UBR1: variants seen among roughly 807,000 people sequenced by gnomAD.
The protein encoded by UBR1 is E3 ubiquitin-protein ligase UBR1.
UBR1 carries 102 observed loss-of-function variants against 242.1 expected under a neutral mutation model. The ratio of observed to expected loss-of-function variants is 0.42; its 90% CI spans 0.36 to 0.50. The LOEUF (loss-of-function observed/expected upper bound fraction) is 0.50. Among genes scored for constraint, UBR1 ranks in the 20% least tolerant of loss-of-function variants. The pLI, the probability that UBR1 is intolerant of heterozygous loss-of-function variation, is 0.01. For missense variants in UBR1, 1,772 were observed against 2,101.8 expected (o/e 0.84, Z 3.07); for synonymous variants, 675 against 684.8 (o/e 0.99, Z 0.22).
chr15:43,007,485 T>C (rs1596097877), intron 29 of UBR1, among the ~76,000 whole-genome samples: 3 of 152,110 alleles, frequency 2.0e-5, no homozygotes, highest in Non-Finnish European at 2.9e-5. Flanking sequence ...AATACAAGTG[T>C]TGCTAAGTGC....
chr15:42,954,547 AAG>A (rs1353127615), intron 44 of UBR1, among the ~76,000 whole-genome samples: 1 of 152,086 alleles, frequency 6.6e-6, no homozygotes, highest in African/African-American at 2.4e-5. Context: ...GAGCGAGTCA[AAG>A]AGGGGCTCTT....
chr15:42,961,767 G>C (rs1430863295), intron 42 of UBR1, among the ~76,000 whole-genome samples: 1 of 148,630 alleles, frequency 6.7e-6, no homozygotes, highest in Non-Finnish European at 1.5e-5. Flanking sequence ...CTTTTTTTTT[G>C]TTTTTGAGAT....
intron 6 of UBR1, among the ~76,000 whole-genome samples, chr15:43,061,326 C>T (rs934214520): frequency 1.3e-5 from 2 of 152,184 alleles, no homozygotes; most frequent in African/African-American, 2.4e-5. Flanking sequence ...AAGGGGACTG[C>T]TCCTGCAGGA....
At chr15:42,979,515 A>C (rs548383878) in intron 37 of UBR1, among the ~76,000 whole-genome samples, 1 of 152,240 alleles carries the variant, frequency 6.6e-6, no homozygotes, top group South Asian at 2.1e-4. Flanking sequence ...AGTATATGCA[A>C]GTTTGTTGGG....
chr15:43,021,012 A>C (rs928463359), intron 27 of UBR1: 1 of 376,262 alleles, frequency 2.7e-6, no homozygotes, highest in African/African-American at 2.1e-5. Context: ...GCCTTGTTCC[A>C]TCTAGAAATC....
intron 34 of UBR1, 96 bp from the exon 35 acceptor site, chr15:42,989,063 G>T: frequency 9.5e-7 from 1 of 1,051,182 alleles, no homozygotes. Flanking sequence ...CAATTTAACT[G>T]CTTTCAACAT....
chr15:43,090,313 A>T (rs2034092119), intron 1 of UBR1, among the ~76,000 whole-genome samples: 1 of 152,206 alleles, frequency 6.6e-6, no homozygotes, highest in South Asian at 2.1e-4. Context: ...AAATATTAAC[A>T]GAAATGGGTG....
intron 6 of UBR1, 80 bp from the exon 7 acceptor site, chr15:43,060,194 T>C (rs771921075): frequency 6.7e-6 from 9 of 1,344,982 alleles, no homozygotes; most frequent in Non-Finnish European, 9.6e-6. Flanking sequence ...AAAGACTTAA[T>C]GAGCTCTTAA....
intron 39 of UBR1, among the ~76,000 whole-genome samples, chr15:42,975,360 T>C (rs1320415208): frequency 6.6e-6 from 1 of 152,230 alleles, no homozygotes; most frequent in Non-Finnish European, 1.5e-5. Context: ...TCATTCCTTT[T>C]TAAAACTGCA....
chr15:43,077,494 C>G (rs1052680911), intron 3 of UBR1, among the ~76,000 whole-genome samples: 17 of 151,232 alleles, frequency 1.1e-4, no homozygotes, highest in African/African-American at 4.1e-4. Flanking sequence ...CTTAAGTACC[C>G]AGGGACACAA....
At chr15:43,039,116 G>T (rs1053472611) in intron 15 of UBR1, among the ~76,000 whole-genome samples, 2 of 151,152 alleles carry the variant, frequency 1.3e-5, no homozygotes, top group Non-Finnish European at 2.9e-5. Flanking sequence ...TATTAAAAAG[G>T]CATTTTTAAT....
chr15:43,009,153 T>C (rs778531175), intron 29 of UBR1, among the ~76,000 whole-genome samples: 1 of 152,214 alleles, frequency 6.6e-6, no homozygotes, highest in African/African-American at 2.4e-5. Flanking sequence ...CTGTGGTCCT[T>C]TGGGGAGCCC....
chr15:42,976,220 G>A (rs2032285612), intron 39 of UBR1, among the ~76,000 whole-genome samples: 1 of 152,146 alleles, frequency 6.6e-6, no homozygotes, highest in Non-Finnish European at 1.5e-5. Flanking sequence ...CTATCATCAA[G>A]AAACTTACAC....
At chr15:43,048,771 A>C (rs562376122) in intron 12 of UBR1, among the ~76,000 whole-genome samples, 1 of 152,224 alleles carries the variant, frequency 6.6e-6, no homozygotes, top group Non-Finnish European at 1.5e-5. Context: ...GAACTGACCA[A>C]GCCTGTCACA....
chr15:43,088,008 G>C (rs1300225108), intron 1 of UBR1, among the ~76,000 whole-genome samples: 1 of 152,216 alleles, frequency 6.6e-6, no homozygotes, highest in African/African-American at 2.4e-5. Context: ...AAAAATCTCT[G>C]AAAGGATTCA....
chr15:43,069,724 T>G (rs1320257770), intron 5 of UBR1, among the ~76,000 whole-genome samples: 1 of 152,288 alleles, frequency 6.6e-6, no homozygotes, highest in Admixed American at 6.5e-5. Context: ...ATGGTCACAA[T>G]GCCAACAGGC....
chr15:42,960,010 T>TC (rs2031987979), intron 43 of UBR1, among the ~76,000 whole-genome samples: 1 of 152,180 alleles, frequency 6.6e-6, no homozygotes, highest in South Asian at 2.1e-4. Flanking sequence ...ACAATACCAG[T>TC]CAGGCCCTCG....
intron 17 of UBR1, 95 bp downstream of exon 17, chr15:43,037,677 CT>C: frequency 2.0e-6 from 2 of 1,000,262 alleles, no homozygotes; most frequent in East Asian, 2.6e-5. Flanking sequence ...GTAACATACA[CT>C]CAGTAAAATC....
Position 42,945,306 on chromosome 15 carries a change from T to C in UBR1, c.*23A>G, listed in dbSNP as rs1487555127. 30 of 1,614,036 alleles carry C rather than the reference T, an allele frequency of 1.9e-5. No homozygotes were observed. The highest frequency in any genetic ancestry group is 2.1e-5 in the Non-Finnish European group (25 of 1,180,012). On this transcript the variant is annotated 3_prime_UTR_variant, in exon 47 of 47. Transcript: ENST00000290650. Reference sequence around the variant, plus strand: ...CCTTTACTACTGTCGTCATTTGTGATTGTCTTGAGGCAGAGTTGGAGCTCA... The same window carrying C: ...CCTTTACTACTGTCGTCATTTGTGACTGTCTTGAGGCAGAGTTGGAGCTCA...
Sources: gnomAD v4.1 joint callset for allele counts (sites outside exome capture counted in the v4.1 genomes callset) on GRCh38, gnomAD v4.1.1 for gene constraint, MANE v1.5 for transcripts, NCBI Gene and HGNC (gene_info 2026-07-23, HGNC 2026-07-21) for gene names.